The following PTPRJ variants were observed in gnomAD, a reference collection of about 807,000 sequenced individuals.
PTPRJ encodes the protein protein tyrosine phosphatase receptor type J.
In PTPRJ, 129 loss-of-function variants were observed where a neutral mutation model predicts 141.3. The observed-to-expected ratio is 0.91, with a 90% CI of 0.79 to 1.06. The LOEUF (loss-of-function observed/expected upper bound fraction) is 1.06. PTPRJ is among the 50% of genes least tolerant of loss of function. The pLI is 0.00. For missense variants in PTPRJ, 1,601 were observed against 1,679.7 expected, an observed-to-expected ratio of 0.95 and a Z score of 0.82; for synonymous variants, 610 against 640.5, an observed-to-expected ratio of 0.95 and a Z score of 0.72.
At chr11:48,092,066 C>T (rs561915861) in intron 1 of PTPRJ, among the ~76,000 whole-genome samples, 2 of 151,914 alleles carry the variant, frequency 1.3e-5, no homozygotes, top group South Asian at 2.1e-4. Flanking sequence ...GAGGCCAAGG[C>T]AGGCAGATTA....
rs181880514 is a variant in PTPRJ at position 48,120,464 on chromosome 11, C to T, written c.353-539C>T. ...TTTTGAGATGGAGTCTCGGTCTTGT[C>T]GCCCAGGCTGGAGTGCAGTGGCGCG... On this transcript the variant is annotated intron_variant, in intron 3 of 24. Coordinates refer to ENST00000418331, the MANE Select transcript of PTPRJ (RefSeq NM_002843.4). Among the ~76,000 whole-genome samples the T allele has an allele frequency of 3.0e-3, 452 of 152,188 alleles. 3 individuals are homozygous for T. The highest frequency in any genetic ancestry group is 3.4e-3 in the Middle Eastern group (1 of 294).
At chr11:48,165,826 A>G (rs867701324) in intron 24 of PTPRJ, among the ~76,000 whole-genome samples, 4 of 151,532 alleles carry the variant, frequency 2.6e-5, no homozygotes, top group African/African-American at 9.7e-5. Context: ...AACAATACTT[A>G]TTCATATGAA....
chr11:48,008,886 G>A (rs575085993), intron 1 of PTPRJ, among the ~76,000 whole-genome samples: 1 of 152,258 alleles, frequency 6.6e-6, no homozygotes, highest in East Asian at 1.9e-4. Context: ...TATTGCATTT[G>A]CTTCTAATAG....
chr11:48,135,684 G>A (rs531902674), intron 8 of PTPRJ, among the ~76,000 whole-genome samples: 1 of 152,162 alleles, frequency 6.6e-6, no homozygotes, highest in Admixed American at 6.5e-5. Context: ...TTTTCACCAT[G>A]TTGGCCAGGC....
intron 17 of PTPRJ, 24 bp from the exon 18 acceptor site, chr11:48,150,072 T>C: frequency 6.3e-7 from 1 of 1,594,296 alleles, no homozygotes; most frequent in Non-Finnish European, 8.6e-7. Context: ...ATGTAAAAAA[T>C]CCTGATAAGT....
chr11:48,075,083 A>AT (rs1855365247), intron 1 of PTPRJ, among the ~76,000 whole-genome samples: 1 of 152,068 alleles, frequency 6.6e-6, no homozygotes, highest in South Asian at 2.1e-4. Flanking sequence ...AACCTCCAAG[A>AT]TTTTTCTGTC....
chr11:48,150,727 C>T (rs2134376008), intron 18 of PTPRJ, among the ~76,000 whole-genome samples: 1 of 152,302 alleles, frequency 6.6e-6, no homozygotes, highest in South Asian at 2.1e-4. Context: ...ATTTCTTGGC[C>T]AGTGTCTGCC....
At position 48,121,251 on chromosome 11, in the gene PTPRJ, A is replaced by C; in HGVS notation, c.601A>C (p.Ile201Leu). Residue 201 changes from isoleucine (I) to leucine (L), a missense_variant, in exon 4 of 25, where the codon ATA becomes CTA. By Grantham distance (5) the Ile-to-Leu change is conservative (BLOSUM62 2). Transcript: ENST00000418331. ...GNETWGDPRV[I>L]KVITEPIPVS... ...TGAGACTTGGGGAGATCCCAGAGTC[A>C]TAAAAGTCATCACAGGTAAGATGAC... 1 of 1,614,076 alleles carries C rather than the reference A, an allele frequency of 6.2e-7. No individual in the cohort carries two copies. The highest frequency in any genetic ancestry group is 1.3e-5 in the African/African-American group (1 of 75,058).
chr11:47,988,877 T>C (rs1044577858), intron 1 of PTPRJ, among the ~76,000 whole-genome samples: 2 of 145,300 alleles, frequency 1.4e-5, no homozygotes, highest in African/African-American at 2.7e-5. Flanking sequence ...AAATTGTATC[T>C]TGTTTTTTTT....
chr11:48,116,852 A>G (rs1166142123), intron 3 of PTPRJ, among the ~76,000 whole-genome samples: 1 of 152,244 alleles, frequency 6.6e-6, no homozygotes, highest in Non-Finnish European at 1.5e-5. Flanking sequence ...AAGGGAAACT[A>G]AAAAATATCT....
chr11:48,006,385 CG>C (rs1053378391), intron 1 of PTPRJ, among the ~76,000 whole-genome samples: 7 of 151,670 alleles, frequency 4.6e-5, no homozygotes, highest in African/African-American at 9.7e-5. Flanking sequence ...AATCTAGGGG[CG>C]GGGAGGGACA....
chr11:48,072,311 T>C (rs1274656699), intron 1 of PTPRJ, among the ~76,000 whole-genome samples: 1 of 152,226 alleles, frequency 6.6e-6, no homozygotes, highest in Non-Finnish European at 1.5e-5. Flanking sequence ...CTTGCTGTGC[T>C]ATCCCATGGC....
At chr11:48,027,791 C>CA (rs750153282) in intron 1 of PTPRJ, among the ~76,000 whole-genome samples, 1,751 of 32,840 alleles carry the variant, frequency 0.053, 215 homozygotes, top group Non-Finnish European at 0.061. Flanking sequence ...ACTCTGTCTC[C>CA]AAAAAAAAAA....
At position 48,105,765 on chromosome 11, in the gene PTPRJ, C is replaced by T. The variant is rs553004993; in HGVS notation, c.97-4293C>T. ...CTGTGTGCTCCTGAGACTCTGCCCGCCTGTCTCTACCCTGCTGTGCCCACT... is the reference window on the plus strand; with the variant it reads ...CTGTGTGCTCCTGAGACTCTGCCCGTCTGTCTCTACCCTGCTGTGCCCACT... On this transcript the variant is annotated intron_variant, in intron 1 of 24. Coordinates refer to ENST00000418331, the MANE Select transcript of PTPRJ (RefSeq NM_002843.4). Among the ~76,000 whole-genome samples, 9 of 152,286 alleles carry T rather than the reference C, an allele frequency of 5.9e-5. No individual in the cohort carries two copies. In the East Asian group the frequency reaches 1.7e-3, roughly 29 times the overall value.
In PTPRJ at chr11:48,130,586, G is replaced by A. The variant is rs773715030; in HGVS notation, c.1485G>A (p.Arg495=). The change falls in exon 8 of 25, where the codon CGG becomes CGA. Residue 495 remains arginine (R), a synonymous_variant. Coordinates refer to ENST00000418331, the MANE Select transcript of PTPRJ (RefSeq NM_002843.4). ...HITQEGAGNS[R]VEITTNQSII... ...CACAGGAGGGAGCTGGCAATTCTCG[G>A]GTAGAAATAACCACCAACCAAAGTA... is the stretch of plus-strand genomic sequence containing the variant. 5 of 1,614,070 alleles carry A rather than the reference G, an allele frequency of 3.1e-6. No homozygotes were observed. In the East Asian group the frequency reaches 1.1e-4, roughly 36 times the overall value.
At chr11:48,051,696 G>A (rs1285140889) in intron 1 of PTPRJ, among the ~76,000 whole-genome samples, 1 of 152,198 alleles carries the variant, frequency 6.6e-6, no homozygotes, top group Non-Finnish European at 1.5e-5. Context: ...TTGGGAGTGA[G>A]ACCTCTACCT....
intron 2 of PTPRJ, among the ~76,000 whole-genome samples, chr11:48,112,141 A>T (rs1192229423): frequency 1.3e-5 from 2 of 152,136 alleles, no homozygotes; most frequent in African/African-American, 4.8e-5. Flanking sequence ...AAGAAGGAGG[A>T]AGGGCAGAAG....
chr11:48,095,926 C>T (rs1503188), intron 1 of PTPRJ, among the ~76,000 whole-genome samples: 101,704 of 152,026 alleles, frequency 0.67, 35,638 homozygotes, highest in East Asian at 0.81. Flanking sequence ...TCTTTCCTGC[C>T]ACAGCCGTGG....
At chr11:48,015,919 C>T (rs1854940422) in intron 1 of PTPRJ, 2 of 151,960 alleles carry the variant, frequency 1.3e-5, no homozygotes, top group South Asian at 4.2e-4. Context: ...GATCCCCCAG[C>T]TACTCTGTGG....
Sources: gnomAD v4.1 joint callset for allele counts (sites outside exome capture counted in the v4.1 genomes callset) on GRCh38, gnomAD v4.1.1 for gene constraint, MANE v1.5 for transcripts, NCBI Gene and HGNC (gene_info 2026-07-23, HGNC 2026-07-21) for gene names.